INPP4B: variants seen among roughly 807,000 people sequenced by gnomAD.
INPP4B encodes inositol polyphosphate-4-phosphatase type II B.
Under a neutral mutation model 122.5 loss-of-function variants are expected in INPP4B, and 55 were observed. The observed-to-expected ratio is 0.45, with a 90% CI of 0.36 to 0.56. INPP4B has a LOEUF of 0.56. Among genes scored for constraint, INPP4B ranks in the 20% least tolerant of loss-of-function variants. The pLI is 0.00. For synonymous variants in INPP4B, 403 were observed against 388.7 expected (o/e 1.04, Z -0.43); for missense variants, 1,000 against 1,097.7 (o/e 0.91, Z 1.26).
intron 2 of INPP4B, among the ~76,000 whole-genome samples, chr4:142,599,616 CA>C (rs1739447332): frequency 6.6e-6 from 1 of 151,936 alleles, no homozygotes; most frequent in African/African-American, 2.4e-5. Flanking sequence ...ACACAGGAAG[CA>C]TTAAAAAGCA....
At chr4:142,622,766 T>C (rs1364996800) in intron 2 of INPP4B, among the ~76,000 whole-genome samples, 1 of 152,012 alleles carries the variant, frequency 6.6e-6, no homozygotes, top group Non-Finnish European at 1.5e-5. Flanking sequence ...TAGACCCTTA[T>C]TTTGTTATTG....
chr4:142,189,037 C>T (rs3775671), intron 15 of INPP4B, among the ~76,000 whole-genome samples: 14,237 of 152,168 alleles, frequency 0.094, 880 homozygotes, highest in South Asian at 0.21. Context: ...ATATGATTTT[C>T]CCCTTTTTAT....
chr4:142,281,869 T>C (rs1005307832), intron 9 of INPP4B, among the ~76,000 whole-genome samples: 22 of 152,032 alleles, frequency 1.4e-4, no homozygotes, highest in Non-Finnish European at 2.5e-4. Flanking sequence ...TGACAACACA[T>C]AATAAAATCA....
chr4:142,491,406 C>T (rs1580198688), intron 2 of INPP4B, among the ~76,000 whole-genome samples: 1 of 152,136 alleles, frequency 6.6e-6, no homozygotes, highest in African/African-American at 2.4e-5. Flanking sequence ...TGGGCCACAG[C>T]ACTTTAAGAG....
chr4:142,247,341 T>C (rs1027427484), intron 11 of INPP4B, among the ~76,000 whole-genome samples: 1 of 152,192 alleles, frequency 6.6e-6, no homozygotes, highest in Non-Finnish European at 1.5e-5. Flanking sequence ...TCTTTTTCTA[T>C]TGTTTGGAAT....
chr4:142,131,115 T>C (rs560123889), intron 18 of INPP4B, among the ~76,000 whole-genome samples: 1 of 152,342 alleles, frequency 6.6e-6, no homozygotes, highest in East Asian at 1.9e-4. Context: ...ACACCCACAT[T>C]CACTGGGCTT....
At chr4:142,115,555 C>T (rs996997222) in intron 21 of INPP4B, among the ~76,000 whole-genome samples, 1 of 152,118 alleles carries the variant, frequency 6.6e-6, no homozygotes, top group East Asian at 1.9e-4. Context: ...CATATCCAGC[C>T]AAACTAAGCT....
chr4:142,377,219 A>AT (rs1383765067), intron 7 of INPP4B, among the ~76,000 whole-genome samples: 1 of 151,744 alleles, frequency 6.6e-6, no homozygotes, highest in Admixed American at 6.6e-5. Flanking sequence ...CATTTCACGA[A>AT]TTTTTCCTGA....
rs1759966193 is a variant in INPP4B, at chr4:142,298,714, A to G, written c.503+6744T>C. On this transcript the variant is annotated intron_variant, in intron 9 of 25. Coordinates refer to ENST00000262992, the MANE Select transcript of INPP4B (RefSeq NM_001101669.3). ...AAAAAAAAAAAAAAAAAAGATAATA[A>G]TAATTGGATCCTAAAATTCTAAGCA... is the stretch of plus-strand genomic sequence containing the variant. Among the ~76,000 whole-genome samples the G allele has an allele frequency of 2.6e-5, 4 of 151,156 alleles. No individual in the cohort carries two copies. The South Asian group carries it at 8.4e-4, about 32-fold the overall frequency.
chr4:142,487,453 T>A (rs2149765957), intron 2 of INPP4B, among the ~76,000 whole-genome samples: 1 of 152,280 alleles, frequency 6.6e-6, no homozygotes, highest in Admixed American at 6.5e-5. Context: ...GATTTCTATA[T>A]AAATTTAGTA....
intron 17 of INPP4B, among the ~76,000 whole-genome samples, chr4:142,153,778 G>A (rs1028039977): frequency 5.3e-5 from 8 of 152,172 alleles, no homozygotes; most frequent in African/African-American, 1.9e-4. Flanking sequence ...GATGTGTTAG[G>A]TGTTATAAAA....
chr4:142,469,814 A>G (rs750021704), intron 2 of INPP4B, among the ~76,000 whole-genome samples: 1 of 152,146 alleles, frequency 6.6e-6, no homozygotes, highest in Non-Finnish European at 1.5e-5. Flanking sequence ...TTTTATTACA[A>G]TTGAAATTGA....
chr4:142,157,873 C>T (rs1001355413), intron 17 of INPP4B, among the ~76,000 whole-genome samples: 2 of 152,052 alleles, frequency 1.3e-5, no homozygotes, highest in African/African-American at 2.4e-5. Flanking sequence ...CAGTCCTCCC[C>T]GTCTTTTTCT....
intron 21 of INPP4B, among the ~76,000 whole-genome samples, chr4:142,114,771 T>C (rs1407634571): frequency 6.6e-6 from 1 of 152,122 alleles, no homozygotes; most frequent in African/African-American, 2.4e-5. Flanking sequence ...ATAATTTTGA[T>C]GAAGTCCTAT....
At chr4:142,529,629 A>AT (rs1827345862) in intron 2 of INPP4B, among the ~76,000 whole-genome samples, 1 of 152,096 alleles carries the variant, frequency 6.6e-6, no homozygotes, top group South Asian at 2.1e-4. Flanking sequence ...ATTGATGAAT[A>AT]TAATATCCAT....
intron 9 of INPP4B, among the ~76,000 whole-genome samples, chr4:142,287,795 A>G (rs1377615794): frequency 6.6e-6 from 1 of 152,198 alleles, no homozygotes; most frequent in Non-Finnish European, 1.5e-5. Context: ...ATGCATCTTT[A>G]TTTTAGTCTA....
chr4:142,337,618 C>CT (rs963630579), intron 7 of INPP4B, among the ~76,000 whole-genome samples: 5 of 144,536 alleles, frequency 3.5e-5, no homozygotes, highest in Admixed American at 7.0e-5. Flanking sequence ...ATGTTCTGTT[C>CT]TTTTTTTTTC....
intron 2 of INPP4B, among the ~76,000 whole-genome samples, chr4:142,542,666 G>A (rs375087500): frequency 6.6e-6 from 1 of 152,248 alleles, no homozygotes; most frequent in Non-Finnish European, 1.5e-5. Flanking sequence ...TAATCTTGAT[G>A]TCCAGAGCCA....
intron 1 of INPP4B, among the ~76,000 whole-genome samples, chr4:142,755,514 TA>T (rs1770378765): frequency 6.6e-6 from 1 of 151,940 alleles, no homozygotes; most frequent in South Asian, 2.1e-4. Context: ...AGAGTTATTG[TA>T]AGACAGACTA....
Sources: allele counts gnomAD v4.1 joint callset (sites outside exome capture counted in the v4.1 genomes callset), GRCh38; gene constraint gnomAD v4.1.1; transcripts MANE v1.5; gene names NCBI Gene and HGNC (gene_info 2026-07-23, HGNC 2026-07-21).